Variants in CDC42BPB observed in about 807,000 individuals in gnomAD.
The protein encoded by CDC42BPB is CDC42 binding protein kinase beta.
Under a neutral mutation model 214.9 loss-of-function variants are expected in CDC42BPB, and 37 were observed. That is an observed-to-expected ratio of 0.17 (90% CI 0.13 to 0.23). The LOEUF is 0.23. Among genes scored for constraint, CDC42BPB ranks in the 10% least tolerant of loss-of-function variants. The pLI, the probability that CDC42BPB is intolerant of heterozygous loss-of-function variation, is 1.00. For synonymous variants in CDC42BPB, 931 were observed against 884.0 expected (o/e 1.05, Z -0.94); for missense variants, 1,694 against 2,227.0 (o/e 0.76, Z 4.82).
intron 14 of CDC42BPB, 98 bp from the exon 15 acceptor site, chr14:102,968,814 T>A (rs879220659): frequency 1.3e-6 from 2 of 1,546,808 alleles, no homozygotes; most frequent in South Asian, 1.3e-5. Flanking sequence ...GCAGACACCT[T>A]CCCAAGGACT....
intron 5 of CDC42BPB, among the ~76,000 whole-genome samples, chr14:102,994,579 G>C (rs983574624): frequency 6.6e-6 from 1 of 152,200 alleles, no homozygotes; most frequent in Non-Finnish European, 1.5e-5. Context: ...ATGGCACAGC[G>C]GGGAGCAGCG....
intron 1 of CDC42BPB, among the ~76,000 whole-genome samples, chr14:103,037,861 CT>C (rs1250866171): frequency 1.3e-5 from 2 of 150,728 alleles, no homozygotes; most frequent in African/African-American, 2.4e-5. Flanking sequence ...AAACGCGTCT[CT>C]ACTAAAAATG....
At chr14:103,006,433 G>A (rs1885824144) in intron 3 of CDC42BPB, among the ~76,000 whole-genome samples, 1 of 152,186 alleles carries the variant, frequency 6.6e-6, no homozygotes, top group South Asian at 2.1e-4. Flanking sequence ...CTTAAACTGG[G>A]GACTGCCTGC....
intron 36 of CDC42BPB, chr14:102,937,137 G>A (rs1038635534): frequency 1.3e-5 from 2 of 152,206 alleles, no homozygotes; most frequent in Admixed American, 1.3e-4. Context: ...ACCCTAAGAG[G>A]GACACCATGT....
At chr14:103,010,467 G>A (rs1038943546) in intron 2 of CDC42BPB, among the ~76,000 whole-genome samples, 2 of 152,200 alleles carry the variant, frequency 1.3e-5, no homozygotes, top group Non-Finnish European at 2.9e-5. Flanking sequence ...TGGGGATGGT[G>A]CTGCGAGAGG....
At chr14:102,990,993 G>C (rs141900908) in intron 5 of CDC42BPB, among the ~76,000 whole-genome samples, 44 of 152,356 alleles carry the variant, frequency 2.9e-4, no homozygotes, top group Non-Finnish European at 6.2e-4. Context: ...TCTGGAGTTT[G>C]TGAGTCAATC....
chr14:102,994,269 C>A (rs933835863), intron 5 of CDC42BPB, among the ~76,000 whole-genome samples: 1 of 152,300 alleles, frequency 6.6e-6, no homozygotes, highest in African/African-American at 2.4e-5. Flanking sequence ...GAGGGGTCTC[C>A]GGAAGGCCAT....
At chr14:103,015,371 C>T (rs964687961) in intron 1 of CDC42BPB, among the ~76,000 whole-genome samples, 1 of 152,124 alleles carries the variant, frequency 6.6e-6, no homozygotes, top group Non-Finnish European at 1.5e-5. Flanking sequence ...GCTGTAATCC[C>T]AGCTACTCAG....
At position 102,944,747 on chromosome 14, in the gene CDC42BPB, T is replaced by G; in HGVS notation, c.3812-260A>C. ...GGGCTGGTCCAAAGGCTCCTCTGCC[T>G]CTGCTGCTGTGCACACCCCTCAGTG... On this transcript the variant is annotated intron_variant, in intron 29 of 36. Transcript: ENST00000361246. The surrounding 1 kb of genome is among the most constrained non-coding windows in gnomAD (Gnocchi z 6.6). The G allele has an allele frequency of 2.4e-6, 2 of 825,314 alleles. No homozygotes were observed. The highest frequency in any genetic ancestry group is 2.9e-6 in the Non-Finnish European group (2 of 684,060). The allele number at this position is 825,314 out of a possible 1,614,324, so 51.1% of individuals were successfully genotyped here.
chr14:102,999,899 C>CA, intron 4 of CDC42BPB, 186 bp from the exon 5 acceptor site: 1 of 985,402 alleles, frequency 1.0e-6, no homozygotes, highest in South Asian at 4.7e-5. Context: ...ACGACGCCGC[C>CA]ATCTTCAGGG....
intron 5 of CDC42BPB, among the ~76,000 whole-genome samples, chr14:102,987,424 A>C (rs1028314078): frequency 6.6e-6 from 1 of 152,238 alleles, no homozygotes; most frequent in African/African-American, 2.4e-5. Flanking sequence ...ACAGACATTC[A>C]GCAAAAGACA....
At position 102,946,503 on chromosome 14, in the gene CDC42BPB, G is replaced by T. The variant is rs758761562; in HGVS notation, c.3713C>A (p.Pro1238His). ...VPLEAYDSSL[P>H]LIKAILTAAI... ...AGCTGTCAGGATGGCCTTGATGAGA[G>T]GCAGCGAGCTGTCGTAGGCTTCCAA... Residue 1238 changes from proline (P) to histidine (H), a missense_variant, in exon 28 of 37, where the codon CCT becomes CAT. Pro to His is a moderately conservative substitution (Grantham distance 77). Coordinates refer to ENST00000361246, the MANE Select transcript of CDC42BPB (RefSeq NM_006035.4). 6.2e-7 allele frequency: 1 copy of T among 1,612,786 alleles called. No homozygotes were observed. The highest frequency in any genetic ancestry group is 1.7e-5 in the Admixed American group (1 of 60,022).
At chr14:103,017,813 C>T (rs529302140) in intron 1 of CDC42BPB, among the ~76,000 whole-genome samples, 31 of 152,316 alleles carry the variant, frequency 2.0e-4, no homozygotes, top group Middle Eastern at 3.4e-3. Flanking sequence ...GAGCAGAGTA[C>T]CAGAAAATCC....
chr14:103,013,976 T>C (rs1168271577), intron 1 of CDC42BPB, among the ~76,000 whole-genome samples: 4 of 152,068 alleles, frequency 2.6e-5, no homozygotes, highest in East Asian at 1.9e-4. Context: ...CCATCCTGGC[T>C]AACACGGTGA....
intron 12 of CDC42BPB, among the ~76,000 whole-genome samples, chr14:102,972,667 C>G (rs560033874): frequency 8.9e-6 from 1 of 112,666 alleles, no homozygotes; most frequent in Non-Finnish European, 1.8e-5. Context: ...CCAGGCTGGG[C>G]GACAGAGCAA....
Position 103,004,217 on chromosome 14 carries a change from C to T in CDC42BPB, c.352-194G>A. 3 of 1,318,642 alleles carry T rather than the reference C, an allele frequency of 2.3e-6. No individual in the cohort carries two copies. Among genetic ancestry groups the T allele is most frequent in the Non-Finnish European group, 2.9e-6 (3 of 1,029,986 alleles). The allele number at this position is 1,318,642 out of a possible 1,614,324, so 81.7% of individuals were successfully genotyped here. ...ATCCCTTCCTCTCCCAAGCCCCGTG[C>T]AAGTGCCAAGGGCTGCTGAGGAGGC... On this transcript the variant is annotated intron_variant, in intron 3 of 36. Transcript: ENST00000361246. This position sits in a 1 kb window ranked among gnomAD's most constrained non-coding sequence, Gnocchi z 5.3.
At chr14:103,051,149 T>TGGGGCGGGGGG (rs935745400) in intron 1 of CDC42BPB, among the ~76,000 whole-genome samples, 1 of 4,162 alleles carries the variant, frequency 2.4e-4, no homozygotes, top group African/African-American at 7.5e-4. Context: ...CTAGTGTATT[T>TGGGGCGGGGGG]GGGGCGGGGG....
Position 102,939,870 on chromosome 14 carries a change from C to T in CDC42BPB, c.4669G>A (p.Val1557Ile), listed in dbSNP as rs780932163. ...CTCTCTTCCTCTGGGACCTTGAAGA[C>T]GAACCGCCTTTTGCTCCTGGTGCGC... ...MLRTRSKRRFVFKVPEEERLQ... is the reference protein window; with the variant it reads ...MLRTRSKRRFIFKVPEEERLQ... Residue 1557 changes from valine to isoleucine, a missense_variant, in exon 33 of 37, where the codon GTC (valine) becomes ATC (isoleucine). Transcript: ENST00000361246. 2.4e-5 allele frequency: 38 copies of T among 1,613,970 alleles called. No individual in the cohort carries two copies. In the East Asian group the frequency reaches 6.5e-4, roughly 27 times the overall value.
chr14:103,029,912 C>T (rs965738136), intron 1 of CDC42BPB, among the ~76,000 whole-genome samples: 1 of 150,766 alleles, frequency 6.6e-6, no homozygotes, highest in African/African-American at 2.4e-5. Flanking sequence ...CCTCAGTGGC[C>T]AGACACGCAT....
Sources: gnomAD v4.1 joint callset for allele counts (sites outside exome capture counted in the v4.1 genomes callset) on GRCh38, gnomAD v4.1.1 for gene constraint, Gnocchi (gnomAD v3.1) non-coding constraint, MANE v1.5 for transcripts, NCBI Gene and HGNC (gene_info 2026-07-23, HGNC 2026-07-21) for gene names.